TRIM33: variants seen among roughly 807,000 people sequenced by gnomAD.
The protein encoded by TRIM33 is E3 ubiquitin-protein ligase TRIM33.
A neutral mutation model predicts 125.4 loss-of-function variants in TRIM33; 20 were observed. That is an observed-to-expected ratio of 0.16 (90% CI 0.11 to 0.23). TRIM33 has a LOEUF of 0.23. Among genes scored for constraint, TRIM33 ranks in the 10% least tolerant of loss-of-function variants. The pLI, the probability that TRIM33 is intolerant of heterozygous loss-of-function variation, is 1.00. For missense variants in TRIM33, 920 were observed against 1,411.4 expected, an observed-to-expected ratio of 0.65 and a Z score of 5.58; for synonymous variants, 564 against 513.9, an observed-to-expected ratio of 1.10 and a Z score of -1.32.
chr1:114,501,532 C>T lies in TRIM33; in HGVS notation c.526+9019G>A, dbSNP rs926996364. On this transcript the variant is annotated intron_variant, in intron 1 of 19. Coordinates refer to ENST00000358465, the MANE Select transcript of TRIM33 (RefSeq NM_015906.4). Reference sequence around the variant, plus strand: ...CTTTAATGACTTTTTAATAAAGTCACTATTAATTCTATTATATTCTCTTGG... The same window carrying T: ...CTTTAATGACTTTTTAATAAAGTCATTATTAATTCTATTATATTCTCTTGG... 3.3e-5 allele frequency among the ~76,000 whole-genome samples: 5 copies of T among 152,140 alleles called. No homozygotes were observed. The East Asian group carries it at 7.7e-4, about 23-fold the overall frequency.
intron 1 of TRIM33, among the ~76,000 whole-genome samples, chr1:114,489,517 G>C (rs1245276625): frequency 6.6e-6 from 1 of 152,196 alleles, no homozygotes; most frequent in Non-Finnish European, 1.5e-5. Flanking sequence ...GCTGAAGCAA[G>C]AGGATCGCTT....
rs564380975 is a variant in TRIM33 at position 114,394,447 on chromosome 1, C to T, written c.*3201G>A. ...TCACTAATAATTACATGGCAGGATA[C>T]CTGCTGAGGTAATTGATAAATCTAC... On this transcript the variant is annotated 3_prime_UTR_variant, in exon 20 of 20. Coordinates refer to ENST00000358465, the MANE Select transcript of TRIM33 (RefSeq NM_015906.4). The T allele has an allele frequency of 4.1e-5, 9 of 217,954 alleles. No homozygotes were observed. Among genetic ancestry groups the T allele is most frequent in the East Asian group, 2.0e-4 (3 of 14,784 alleles). 13.5% of individuals were successfully genotyped at this position (217,954 alleles called of 1,614,324 possible).
intron 1 of TRIM33, among the ~76,000 whole-genome samples, chr1:114,471,334 G>A (rs572338576): frequency 2.0e-5 from 3 of 151,894 alleles, no homozygotes; most frequent in South Asian, 2.1e-4. Flanking sequence ...CCAGCTACTC[G>A]GGAGGCTGAG....
chr1:114,409,981 T>C (rs1021434872), intron 12 of TRIM33, among the ~76,000 whole-genome samples: 5 of 152,096 alleles, frequency 3.3e-5, no homozygotes, highest in Admixed American at 6.6e-5. Flanking sequence ...TACTCTTACC[T>C]GGGTCTCCAG....
intron 1 of TRIM33, among the ~76,000 whole-genome samples, chr1:114,483,443 GTC>G (rs1451568571): frequency 1.3e-5 from 2 of 150,032 alleles, no homozygotes; most frequent in Non-Finnish European, 3.0e-5. Flanking sequence ...TTGAGATGGA[GTC>G]TCTGTCTGTG....
intron 11 of TRIM33, among the ~76,000 whole-genome samples, chr1:114,414,366 C>G (rs371932827): frequency 6.6e-6 from 1 of 152,140 alleles, no homozygotes; most frequent in African/African-American, 2.4e-5. Flanking sequence ...TACAAAGGCC[C>G]TACCTGATCT....
chr1:114,414,395 C>A (rs1652796984), intron 11 of TRIM33, among the ~76,000 whole-genome samples: 1 of 151,956 alleles, frequency 6.6e-6, no homozygotes, highest in South Asian at 2.1e-4. Context: ...TTTTCCTCTA[C>A]AGAACTAGGC....
chr1:114,480,939 G>GA (rs199648437), intron 1 of TRIM33, among the ~76,000 whole-genome samples: 3 of 150,918 alleles, frequency 2.0e-5, no homozygotes, highest in Non-Finnish European at 3.0e-5. Context: ...ACTAACATCA[G>GA]AAAAAAAAAG....
chr1:114,398,911 AAAAAC>A (rs917588607), intron 18 of TRIM33, among the ~76,000 whole-genome samples: 4 of 148,878 alleles, frequency 2.7e-5, no homozygotes, highest in East Asian at 2.0e-4. Flanking sequence ...AAAAAAAAAA[AAAAAC>A]AAAACAAAAC....
At chr1:114,472,543 G>C (rs1650712340) in intron 1 of TRIM33, among the ~76,000 whole-genome samples, 1 of 152,064 alleles carries the variant, frequency 6.6e-6, no homozygotes, top group African/African-American at 2.4e-5. Context: ...GATCAGCCTG[G>C]GCAACATGGC....
At chr1:114,485,680 C>T (rs1300973096) in intron 1 of TRIM33, among the ~76,000 whole-genome samples, 4 of 152,134 alleles carry the variant, frequency 2.6e-5, no homozygotes, top group Non-Finnish European at 5.9e-5. Flanking sequence ...AGTCAGCACT[C>T]CACTTTTGCC....
rs183062703 is a variant in TRIM33, at chr1:114,488,436, A to T, written c.526+22115T>A. Among the ~76,000 whole-genome samples the T allele has an allele frequency of 6.6e-5, 10 of 152,300 alleles. No homozygotes were observed. In the East Asian group the frequency reaches 1.9e-3, roughly 29 times the overall value. On this transcript the variant is annotated intron_variant, in intron 1 of 19. Transcript: ENST00000358465. ...TAACAGTAATGCTATCTATTAATAC[A>T]AGAAGCTTCAAACACAATAATGTAA...
intron 1 of TRIM33, among the ~76,000 whole-genome samples, chr1:114,466,016 T>C (rs985482537): frequency 9.9e-5 from 15 of 151,590 alleles, no homozygotes; most frequent in African/African-American, 3.1e-4. Context: ...GCACTCCAGC[T>C]TGGGCGACAG....
At chr1:114,417,544 C>T (rs1653015275) in intron 11 of TRIM33, among the ~76,000 whole-genome samples, 1 of 152,140 alleles carries the variant, frequency 6.6e-6, no homozygotes, top group African/African-American at 2.4e-5. Flanking sequence ...CATGTGTTTC[C>T]AGGCCTACAA....
chr1:114,400,983 T>C (rs1651836477), intron 17 of TRIM33, among the ~76,000 whole-genome samples: 1 of 152,114 alleles, frequency 6.6e-6, no homozygotes, highest in Non-Finnish European at 1.5e-5. Context: ...GAAGAGCTTA[T>C]TCCAGAAGGC....
At chr1:114,410,057 A>C in intron 12 of TRIM33, 127 bp downstream of exon 12, 2 of 1,201,322 alleles carry the variant, frequency 1.7e-6, no homozygotes, top group South Asian at 1.4e-5. Context: ...AATCTCTCTC[A>C]ATCTCCCTTT....
intron 1 of TRIM33, among the ~76,000 whole-genome samples, chr1:114,495,038 C>G (rs146375578): frequency 6.6e-6 from 1 of 152,070 alleles, no homozygotes; most frequent in South Asian, 2.1e-4. Flanking sequence ...CTCAGCCTCC[C>G]GGGTAGCTGG....
At position 114,395,437 on chromosome 1, in the gene TRIM33, G is replaced by C. The variant is rs1272202340; in HGVS notation, c.*2211C>G. Reference sequence around the variant, plus strand: ...ACTTAAAATGTTTCTCCCCTCAGTTGGCAGAATCTATTTATGACTCATTAT... The same window carrying C: ...ACTTAAAATGTTTCTCCCCTCAGTTCGCAGAATCTATTTATGACTCATTAT... On this transcript the variant is annotated 3_prime_UTR_variant, in exon 20 of 20. Transcript: ENST00000358465. 5.0e-6 allele frequency: 1 copy of C among 198,126 alleles called. No homozygotes were observed. Among genetic ancestry groups the C allele is most frequent in the African/African-American group, 2.3e-5 (1 of 43,322 alleles). 12.3% of individuals were successfully genotyped at this position (198,126 alleles called of 1,614,324 possible).
At chr1:114,434,334 A>G (rs1346051772) in intron 4 of TRIM33, among the ~76,000 whole-genome samples, 1 of 152,208 alleles carries the variant, frequency 6.6e-6, no homozygotes, top group Non-Finnish European at 1.5e-5. Flanking sequence ...TGCAATTATA[A>G]TAATAATGAA....
Sources: gnomAD v4.1 joint callset for allele counts (sites outside exome capture counted in the v4.1 genomes callset) on GRCh38, gnomAD v4.1.1 for gene constraint, MANE v1.5 for transcripts, NCBI Gene and HGNC (gene_info 2026-07-23, HGNC 2026-07-21) for gene names.